Variants in TUBGCP4 observed in about 807,000 individuals in gnomAD.
TUBGCP4 encodes the protein tubulin gamma complex component 4.
A neutral mutation model predicts 91.6 loss-of-function variants in TUBGCP4; 54 were observed. The observed-to-expected ratio is 0.59, with a 90% confidence interval of 0.47 to 0.74. TUBGCP4 has a LOEUF of 0.74. TUBGCP4 is among the 30% of genes least tolerant of loss of function. The pLI, the probability that TUBGCP4 is intolerant of heterozygous loss-of-function variation, is 0.00. For missense variants in TUBGCP4, 593 were observed against 800.9 expected (o/e 0.74, Z 3.13); for synonymous variants, 297 against 302.8 (o/e 0.98, Z 0.20).
intron 9 of TUBGCP4, chr15:43,394,870 T>C (rs1034221547): frequency 3.1e-5 from 16 of 514,572 alleles, no homozygotes; most frequent in Non-Finnish European, 5.6e-5. Context: ...GTGCTTCCTG[T>C]GCAGCCTGCA....
Position 43,406,447 on chromosome 15 carries a change from G to A in TUBGCP4, c.*1233G>A, listed in dbSNP as rs2044883198. 2.8e-6 allele frequency: 1 copy of A among 352,324 alleles called. No homozygotes were observed. Among genetic ancestry groups the A allele is most frequent in the Non-Finnish European group, 5.6e-6 (1 of 177,518 alleles). The allele number at this position is 352,324 out of a possible 1,614,324, so 21.8% of individuals were successfully genotyped here. ...AGGAGCTGGCAAACTATGGCCTGCT[G>A]TCTGTTTTTGTACAGTTTTACTGAA... On this transcript the variant is annotated 3_prime_UTR_variant, in exon 18 of 18. Coordinates refer to ENST00000564079, the MANE Select transcript of TUBGCP4 (RefSeq NM_014444.5).
Position 43,408,413 on chromosome 15 carries a change from T to G in TUBGCP4, c.*3199T>G. The G allele has an allele frequency of 3.5e-6, 1 of 286,422 alleles. No individual in the cohort carries two copies. Among genetic ancestry groups the G allele is most frequent in the Non-Finnish European group, 6.7e-6 (1 of 148,784 alleles). The allele number at this position is 286,422 out of a possible 1,614,324, so 17.7% of individuals were successfully genotyped here. A position where few individuals can be genotyped will look rare whatever the true frequency, so the allele number is the denominator to read the frequency against. On this transcript the variant is annotated 3_prime_UTR_variant, in exon 18 of 18. Transcript: ENST00000564079. Reference sequence around the variant, plus strand: ...GGGGGATCACTTCAGCCTGGGAGGTTGAGGCTGCAGTAAGTCGTCACTGCG... The same window carrying G: ...GGGGGATCACTTCAGCCTGGGAGGTGGAGGCTGCAGTAAGTCGTCACTGCG...
At chr15:43,385,716 G>C in intron 7 of TUBGCP4, 75 bp from the exon 8 acceptor site, 1 of 1,485,334 alleles carries the variant, frequency 6.7e-7, no homozygotes. Flanking sequence ...TGGGTTGGGA[G>C]AGTTACTAGG....
chr15:43,381,681 G>T (rs1260744957), intron 6 of TUBGCP4, among the ~76,000 whole-genome samples: 2 of 152,110 alleles, frequency 1.3e-5, no homozygotes, highest in Non-Finnish European at 2.9e-5. Flanking sequence ...GCAGTGAGCT[G>T]AGATCTCGCC....
At chr15:43,401,929 GA>G in intron 15 of TUBGCP4, 79 bp downstream of exon 15, 2 of 1,527,258 alleles carry the variant, frequency 1.3e-6, no homozygotes, top group Non-Finnish European at 1.8e-6. Context: ...GACAGGATAC[GA>G]AACCATCATT....
chr15:43,386,377 A>ATATATATATATATATTTTTTTT (rs1555394852), intron 9 of TUBGCP4, 47 bp downstream of exon 9: 1 of 19,092 alleles, frequency 5.2e-5, no homozygotes, highest in South Asian at 3.7e-3. Flanking sequence ...ATATATATAT[A>ATATATATATATATATTTTTTTT]TTTTTTTTTT....
rs775351043 is a variant in TUBGCP4, at chr15:43,403,789, T to C, written c.1838T>C (p.Ile613Thr). 1.2e-6 allele frequency: 2 copies of C among 1,613,600 alleles called. No homozygotes were observed. Among genetic ancestry groups the C allele is most frequent in the Non-Finnish European group, 8.5e-7 (1 of 1,179,700 alleles). ...LDERGAAQLSILVKGFSRQSS... is the reference protein window; with the variant it reads ...LDERGAAQLSTLVKGFSRQSS... ...GAGCGTGGAGCCGCCCAGCTGAGCA[T>C]TCTCGTGAAGGTGCGTCTGCCTGGA... Residue 613 changes from isoleucine (I) to threonine (T), a missense_variant, in exon 16 of 18, where the codon ATT (isoleucine) becomes ACT (threonine). By Grantham distance (89) the Ile-to-Thr change is moderately conservative (BLOSUM62 -1). Transcript: ENST00000564079.
At chr15:43,379,650 A>C (rs8029472) in intron 5 of TUBGCP4, among the ~76,000 whole-genome samples, 39,442 of 150,598 alleles carry the variant, frequency 0.26, 8,223 homozygotes, top group African/African-American at 0.58. Flanking sequence ...CAAAAAAAAA[A>C]AAAAAAAAAA....
chr15:43,372,113 A>T (rs934185484), intron 1 of TUBGCP4, among the ~76,000 whole-genome samples: 1 of 152,216 alleles, frequency 6.6e-6, no homozygotes, highest in African/African-American at 2.4e-5. Flanking sequence ...TATTTGAACT[A>T]CTTTTACCTG....
chr15:43,387,358 T>G (rs1231316610), intron 9 of TUBGCP4, among the ~76,000 whole-genome samples: 1 of 152,274 alleles, frequency 6.6e-6, no homozygotes, highest in Non-Finnish European at 1.5e-5. Flanking sequence ...ATTTGTCTCA[T>G]GGATATGTGA....
In TUBGCP4 at chr15:43,371,571, G is replaced by A. The variant is rs1474687053; in HGVS notation, c.78+139G>A. The A allele has an allele frequency of 3.5e-6, 3 of 845,334 alleles. No individual in the cohort carries two copies. The East Asian group carries it at 7.9e-5, about 22-fold the overall frequency. 52.4% of individuals were successfully genotyped at this position (845,334 alleles called of 1,614,324 possible). On this transcript the variant is annotated intron_variant, in intron 1 of 17. Coordinates refer to ENST00000564079, the MANE Select transcript of TUBGCP4 (RefSeq NM_014444.5). ...GTATCCCTGGACAGGTGACTGGAGG[G>A]CAGCCCCTTAGGGTCAAGGCTGATG... is the stretch of plus-strand genomic sequence containing the variant.
At position 43,405,440 on chromosome 15, in the gene TUBGCP4, T is replaced by G; in HGVS notation, c.*226T>G. ...CAAGGAGAACATGTGGCATCTCTGA[T>G]CCTTTACATTGAGAACATTTGTTGG... On this transcript the variant is annotated 3_prime_UTR_variant, in exon 18 of 18. Coordinates refer to ENST00000564079, the MANE Select transcript of TUBGCP4 (RefSeq NM_014444.5). 1 of 591,402 alleles carries G rather than the reference T, an allele frequency of 1.7e-6. No individual in the cohort carries two copies. The highest frequency in any genetic ancestry group is 3.0e-6 in the Non-Finnish European group (1 of 332,428). 36.6% of individuals were successfully genotyped at this position (591,402 alleles called of 1,614,324 possible). A position where few individuals can be genotyped will look rare whatever the true frequency, so the allele number is the denominator to read the frequency against.
At chr15:43,385,070 A>G (rs1005439473) in intron 7 of TUBGCP4, among the ~76,000 whole-genome samples, 1 of 152,114 alleles carries the variant, frequency 6.6e-6, no homozygotes, top group African/African-American at 2.4e-5. Flanking sequence ...AGGGGTGTAT[A>G]CTGCTGGTAT....
At chr15:43,379,826 A>G (rs2044261654) in intron 5 of TUBGCP4, among the ~76,000 whole-genome samples, 2 of 152,182 alleles carry the variant, frequency 1.3e-5, no homozygotes, top group African/African-American at 4.8e-5. Context: ...TTTACTGTGC[A>G]TTAGAATCAC....
At position 43,383,359 on chromosome 15, in the gene TUBGCP4, A is replaced by AT. The variant is rs794726855; in HGVS notation, c.579dup (p.Gly194TrpfsTer8). ...AAACAGCTCTCAGCCTGGATGCTCC[A>AT]TGGACTCCTCTTGGACCAGCATGAA... On this transcript the variant is annotated frameshift_variant, in exon 7 of 18. Transcript: ENST00000564079. LOFTEE classifies it high-confidence loss of function. 115 of 1,614,080 alleles carry AT rather than the reference A, an allele frequency of 7.1e-5. No individual in the cohort carries two copies. Among genetic ancestry groups the AT allele is most frequent in the Non-Finnish European group, 1.9e-5 (23 of 1,180,036 alleles).
chr15:43,390,229 G>C (rs1350330057), intron 9 of TUBGCP4, among the ~76,000 whole-genome samples: 1 of 152,036 alleles, frequency 6.6e-6, no homozygotes, highest in Admixed American at 6.6e-5. Flanking sequence ...GTTTATATAA[G>C]ACAGGAATTC....
In TUBGCP4 at chr15:43,401,788, C is replaced by T. The variant is rs755822321; in HGVS notation, c.1669C>T (p.Arg557Ter). The change falls in exon 15 of 18, where the codon CGA (arginine) becomes TGA (stop). Residue 557 changes from arginine to a stop codon, truncating the protein, a stop_gained. Transcript: ENST00000564079. LOFTEE classifies it high-confidence loss of function. ...INSTRDFESIRLAHDHFLSNL... is the reference protein window; with the variant it reads ...INSTRDFESI The stretch of plus-strand genomic sequence containing the variant: ...TTCTACCCGAGACTTTGAAAGCATC[C>T]GATTGGCTCATGACCACTTCCTGAG... 2.5e-6 allele frequency: 4 copies of T among 1,614,118 alleles called. No individual in the cohort carries two copies. The highest frequency in any genetic ancestry group is 3.4e-6 in the Non-Finnish European group (4 of 1,180,006).
chr15:43,380,068 G>C lies in TUBGCP4; in HGVS notation c.442-16G>C, dbSNP rs1408523908. On this transcript the variant is annotated splice_polypyrimidine_tract_variant and intron_variant, in intron 5 of 17. Transcript: ENST00000564079. ...TTAGAATGGAATCCAGTTTGACAAG[G>C]CCGTATTTTCCACAGATTCATGGTT... 3.1e-6 allele frequency: 5 copies of C among 1,613,384 alleles called. No individual in the cohort carries two copies. Among genetic ancestry groups the C allele is most frequent in the African/African-American group, 2.7e-5 (2 of 74,914 alleles).
At chr15:43,373,943 CG>C (rs1249654027) in intron 1 of TUBGCP4, among the ~76,000 whole-genome samples, 4 of 152,130 alleles carry the variant, frequency 2.6e-5, no homozygotes, top group African/African-American at 9.7e-5. Context: ...TGAGCCACTG[CG>C]CCCGGCAAGA....
Sources: allele counts gnomAD v4.1 joint callset (sites outside exome capture counted in the v4.1 genomes callset), GRCh38; gene constraint gnomAD v4.1.1; transcripts MANE v1.5; gene names NCBI Gene and HGNC (gene_info 2026-07-23, HGNC 2026-07-21).